The following CNTNAP2 variants were observed in gnomAD, a reference collection of about 807,000 sequenced individuals.
CNTNAP2 encodes the protein contactin associated protein 2, also known as contactin-associated protein-like 2.
CNTNAP2 carries 98 observed loss-of-function variants against 155.2 expected under a neutral mutation model. The ratio of observed to expected loss-of-function variants is 0.63; its 90% confidence interval spans 0.54 to 0.75. The LOEUF is 0.75. Among genes scored for constraint, CNTNAP2 ranks in the 30% least tolerant of loss-of-function variants. The pLI is 0.00. For synonymous variants in CNTNAP2, 651 were observed against 631.2 expected, an observed-to-expected ratio of 1.03 and a Z score of -0.47; for missense variants, 1,727 against 1,688.1, an observed-to-expected ratio of 1.02 and a Z score of -0.40.
At chr7:148,154,536 G>A (rs979356747) in intron 17 of CNTNAP2, among the ~76,000 whole-genome samples, 15 of 152,084 alleles carry the variant, frequency 9.9e-5, no homozygotes, top group Admixed American at 7.9e-4. Flanking sequence ...AGAGAAAATC[G>A]CATTTGTGTG....
intron 1 of CNTNAP2, among the ~76,000 whole-genome samples, chr7:146,412,225 C>T (rs1047610751): frequency 6.6e-6 from 1 of 152,170 alleles, no homozygotes; most frequent in African/African-American, 2.4e-5. Context: ...TAACCAGGAG[C>T]CAGGGACGTG....
chr7:146,447,305 T>C (rs1200414928), intron 1 of CNTNAP2, among the ~76,000 whole-genome samples: 1 of 152,048 alleles, frequency 6.6e-6, no homozygotes, highest in East Asian at 1.9e-4. Context: ...ATTTATTGTC[T>C]CAATAACTAG....
chr7:147,377,909 T>G, intron 9 of CNTNAP2: 1 of 412,878 alleles, frequency 2.4e-6, no homozygotes, highest in South Asian at 1.8e-5. Flanking sequence ...TAAAAATGTT[T>G]AATTGGGATG....
chr7:148,081,207 A>T (rs1166228515), intron 15 of CNTNAP2, among the ~76,000 whole-genome samples: 2 of 152,192 alleles, frequency 1.3e-5, no homozygotes, highest in Non-Finnish European at 2.9e-5. Context: ...GGGCTATTCT[A>T]TTCCAAAGTG....
chr7:146,606,912 T>G lies in CNTNAP2; in HGVS notation c.98-167359T>G, dbSNP rs143047205. ...TTAGCTCTGTTTGGCATTACAGAAA[T>G]TCACTGTGATCCTGCTGACAACTCT... is the stretch of plus-strand genomic sequence containing the variant. On this transcript the variant is annotated intron_variant, in intron 1 of 23. Transcript: ENST00000361727. 9.2e-5 allele frequency among the ~76,000 whole-genome samples: 14 copies of G among 152,274 alleles called. No individual in the cohort carries two copies. In the East Asian group the frequency reaches 2.7e-3, roughly 29 times the overall value.
intron 13 of CNTNAP2, among the ~76,000 whole-genome samples, chr7:147,884,494 G>GAAAAA: frequency 6.9e-6 from 1 of 145,866 alleles, no homozygotes; most frequent in Admixed American, 6.8e-5. Flanking sequence ...TGCCTCGCCA[G>GAAAAA]AAAAAAAAAA....
chr7:146,460,384 T>TA (rs67433506), intron 1 of CNTNAP2, among the ~76,000 whole-genome samples: 51,109 of 151,822 alleles, frequency 0.34, 9,298 homozygotes, highest in African/African-American at 0.46. Flanking sequence ...CACAAAAAAT[T>TA]AAAAATAGAA....
At chr7:146,723,094 G>T (rs772487932) in intron 1 of CNTNAP2, among the ~76,000 whole-genome samples, 2 of 152,120 alleles carry the variant, frequency 1.3e-5, no homozygotes, top group African/African-American at 2.4e-5. Flanking sequence ...TGCAGATAGG[G>T]TCCTAGCAGA....
At chr7:146,971,116 G>T (rs1308874111) in intron 3 of CNTNAP2, among the ~76,000 whole-genome samples, 2 of 151,940 alleles carry the variant, frequency 1.3e-5, no homozygotes, top group Non-Finnish European at 2.9e-5. Context: ...TAAATGACAA[G>T]TTAATGGGTG....
chr7:147,152,182 A>G (rs1051024566), intron 8 of CNTNAP2, among the ~76,000 whole-genome samples: 4 of 152,112 alleles, frequency 2.6e-5, no homozygotes, highest in Admixed American at 1.3e-4. Flanking sequence ...TGGAAACTAC[A>G]TAATTATCTA....
At chr7:148,122,677 GAA>G (rs1804624676) in intron 16 of CNTNAP2, among the ~76,000 whole-genome samples, 1 of 152,058 alleles carries the variant, frequency 6.6e-6, no homozygotes, top group East Asian at 1.9e-4. Context: ...ATTCACCAGA[GAA>G]AAGACTGGAA....
At chr7:147,647,290 C>T (rs868741090) in intron 13 of CNTNAP2, among the ~76,000 whole-genome samples, 40 of 151,612 alleles carry the variant, frequency 2.6e-4, no homozygotes, top group African/African-American at 5.6e-4. Flanking sequence ...CGTGAGCCAC[C>T]GCGCCCGGCC....
At chr7:147,803,650 G>T (rs1246512186) in intron 13 of CNTNAP2, among the ~76,000 whole-genome samples, 1 of 152,172 alleles carries the variant, frequency 6.6e-6, no homozygotes, top group African/African-American at 2.4e-5. Flanking sequence ...TCTCCACCTG[G>T]CTCTGGAAGG....
At chr7:148,392,265 G>A (rs1006981617) in intron 22 of CNTNAP2, among the ~76,000 whole-genome samples, 4 of 152,128 alleles carry the variant, frequency 2.6e-5, no homozygotes, top group Non-Finnish European at 5.9e-5. Context: ...GTAGAGACGG[G>A]GTTTCACCAT....
chr7:147,978,039 A>G lies in CNTNAP2; in HGVS notation c.2383+50A>G, dbSNP rs1358533817. The stretch of plus-strand genomic sequence containing the variant: ...TTGCACTTTCTTATCCCATTTAAAT[A>G]TTGTTTCCAGGCTCCTCAGAAGATG... On this transcript the variant is annotated intron_variant, in intron 15 of 23. Coordinates refer to ENST00000361727, the MANE Select transcript of CNTNAP2 (RefSeq NM_014141.6). 3 of 1,610,568 alleles carry G rather than the reference A, an allele frequency of 1.9e-6. No homozygotes were observed. The African/African-American group carries it at 4.0e-5, about 21-fold the overall frequency.
chr7:148,413,401 A>AAAAAAAAAAAAAAAAAATAT (rs1442990213), intron 23 of CNTNAP2, among the ~76,000 whole-genome samples: 2 of 45,374 alleles, frequency 4.4e-5, no homozygotes, highest in Non-Finnish European at 8.4e-5. Flanking sequence ...TCAAAAAAAA[A>AAAAAAAAAAAAAAAAAATAT]ATATATATAT....
rs1359581776 is a variant in CNTNAP2 at position 147,734,632 on chromosome 7, A to T, written c.2098+95326A>T. Among the ~76,000 whole-genome samples the T allele has an allele frequency of 7.9e-5, 12 of 152,302 alleles. No homozygotes were observed. The East Asian group carries it at 1.9e-3, about 24-fold the overall frequency. The stretch of plus-strand genomic sequence containing the variant: ...GTACCTCTGGTAGAATTTGGCTGTG[A>T]ATCTGTCTGGTCCTGCACATTTTTT... On this transcript the variant is annotated intron_variant, in intron 13 of 23. Coordinates refer to ENST00000361727, the MANE Select transcript of CNTNAP2 (RefSeq NM_014141.6).
At chr7:146,929,531 C>A (rs960633672) in intron 3 of CNTNAP2, among the ~76,000 whole-genome samples, 31 of 152,272 alleles carry the variant, frequency 2.0e-4, no homozygotes, top group African/African-American at 7.5e-4. Context: ...AAGCAGAGCG[C>A]CTCTCCTCCT....
At position 147,307,424 on chromosome 7, in the gene CNTNAP2, C is replaced by A. The variant is rs533641319; in HGVS notation, c.1498+7134C>A. Among the ~76,000 whole-genome samples the A allele has an allele frequency of 3.7e-3, 547 of 147,270 alleles. 4 individuals are homozygous for A. The highest frequency in any genetic ancestry group is 7.1e-3 in the Admixed American group (105 of 14,758). ...GAAACCCTATCTCTACTAAAAAAAACCACAAAAATTAGCCAGGCATGGTGG... is the reference window on the plus strand; with the variant it reads ...GAAACCCTATCTCTACTAAAAAAAAACACAAAAATTAGCCAGGCATGGTGG... On this transcript the variant is annotated intron_variant, in intron 9 of 23. Coordinates refer to ENST00000361727, the MANE Select transcript of CNTNAP2 (RefSeq NM_014141.6).
Sources: allele counts gnomAD v4.1 joint callset (sites outside exome capture counted in the v4.1 genomes callset), GRCh38; gene constraint gnomAD v4.1.1; transcripts MANE v1.5; gene names NCBI Gene and HGNC (gene_info 2026-07-23, HGNC 2026-07-21).